RGS22: variants seen among roughly 807,000 people sequenced by gnomAD.
RGS22 encodes the protein regulator of G-protein signaling 22.
RGS22 carries 148 observed loss-of-function variants against 172.9 expected under a neutral mutation model. The observed-to-expected ratio is 0.86, with a 90% CI of 0.75 to 0.98. The LOEUF (loss-of-function observed/expected upper bound fraction) is 0.98, where lower values mean the gene tolerates loss of function less well. Ranked by LOEUF, RGS22 falls within the 50% of genes least tolerant of loss-of-function variation. The pLI, the probability that RGS22 is intolerant of heterozygous loss-of-function variation, is 0.00. For synonymous variants in RGS22, 458 were observed against 480.2 expected, an observed-to-expected ratio of 0.95 and a Z score of 0.60; for missense variants, 1,347 against 1,440.8, an observed-to-expected ratio of 0.93 and a Z score of 1.05.
chr8:100,052,121 T>TTATATATAAATGTTTATATATA lies in RGS22; in HGVS notation c.1689+680_1689+681insTATATATAAACATTTATATATA. The stretch of plus-strand genomic sequence containing the variant: ...TTTATATATAAATGTTTATATATAT[T>TTATATATAAATGTTTATATATA]TATATATAAATATATAAACATATAT... On this transcript the variant is annotated intron_variant, in intron 10 of 27. Transcript: ENST00000360863. 1.1e-4 allele frequency among the ~76,000 whole-genome samples: 4 copies of TTATATATAAATGTTTATATATA among 35,416 alleles called. 1 individual carries two copies. Among genetic ancestry groups the TTATATATAAATGTTTATATATA allele is most frequent in the Admixed American group, 9.4e-4 (2 of 2,134 alleles). The allele number at this position is 35,416 out of a possible 152,430, so 23.2% of individuals were successfully genotyped here.
chr8:100,003,334 AAGAT>A (rs1229317945), intron 17 of RGS22, among the ~76,000 whole-genome samples: 1 of 151,874 alleles, frequency 6.6e-6, no homozygotes, highest in Non-Finnish European at 1.5e-5. Context: ...AAAAAATAAA[AAGAT>A]AGAAAAATCC....
chr8:100,044,363 C>T (rs556930968), intron 11 of RGS22, among the ~76,000 whole-genome samples: 12 of 152,252 alleles, frequency 7.9e-5, no homozygotes, highest in Non-Finnish European at 1.3e-4. Context: ...TCTCCTGCAT[C>T]AGCCTCCCGA....
intron 9 of RGS22, among the ~76,000 whole-genome samples, chr8:100,058,428 A>G (rs1484134539): frequency 6.6e-6 from 1 of 152,202 alleles, no homozygotes; most frequent in African/African-American, 2.4e-5. Context: ...CCAAAGGTCA[A>G]AGATAAAGAA....
At chr8:99,991,835 T>C (rs183590350) in intron 20 of RGS22, among the ~76,000 whole-genome samples, 1 of 151,988 alleles carries the variant, frequency 6.6e-6, no homozygotes, top group Non-Finnish European at 1.5e-5. Context: ...AAAGTTGAAA[T>C]GAAGGAAAAA....
chr8:100,002,078 T>G, intron 18 of RGS22, 124 bp downstream of exon 18: 1 of 643,244 alleles, frequency 1.6e-6, no homozygotes, highest in East Asian at 2.9e-5. Context: ...ATATCAAAGG[T>G]CTTTAACACA....
chr8:99,995,064 T>C (rs1415363291), intron 20 of RGS22, among the ~76,000 whole-genome samples: 2 of 152,220 alleles, frequency 1.3e-5, no homozygotes, highest in African/African-American at 2.4e-5. Context: ...GCTAGCCATA[T>C]GTAGAAAGCT....
intron 21 of RGS22, among the ~76,000 whole-genome samples, chr8:99,985,271 C>G (rs868020963): frequency 1.3e-5 from 2 of 152,168 alleles, no homozygotes; most frequent in South Asian, 4.1e-4. Context: ...AGAATAAATT[C>G]ATTATTACAT....
intron 18 of RGS22, 147 bp from the exon 19 acceptor site, chr8:99,999,567 C>G: frequency 1.4e-6 from 1 of 707,160 alleles, no homozygotes; most frequent in South Asian, 2.1e-5. Flanking sequence ...CCTGGCTATA[C>G]TGAGCAATAA....
intron 9 of RGS22, among the ~76,000 whole-genome samples, chr8:100,060,939 A>G (rs1810083596): frequency 6.6e-6 from 1 of 152,220 alleles, no homozygotes; most frequent in Non-Finnish European, 1.5e-5. Context: ...TATGGTAACC[A>G]TAACAGCATG....
At chr8:99,976,527 A>T (rs1040453763) in intron 23 of RGS22, among the ~76,000 whole-genome samples, 12 of 152,124 alleles carry the variant, frequency 7.9e-5, no homozygotes, top group Admixed American at 3.9e-4. Flanking sequence ...ACGCCCGGCT[A>T]ATTTTTTGTA....
At chr8:100,104,908 T>C (rs1813802226) in intron 2 of RGS22, among the ~76,000 whole-genome samples, 2 of 152,220 alleles carry the variant, frequency 1.3e-5, no homozygotes, top group African/African-American at 4.8e-5. Flanking sequence ...ATGTATAGGA[T>C]ATATTTAGCA....
intron 3 of RGS22, among the ~76,000 whole-genome samples, chr8:100,084,077 T>C (rs888286484): frequency 1.3e-5 from 2 of 152,046 alleles, no homozygotes; most frequent in African/African-American, 2.4e-5. Context: ...GACCTCATGA[T>C]CCGTCCACCT....
chr8:100,065,063 G>A (rs1810443123), intron 7 of RGS22, among the ~76,000 whole-genome samples: 1 of 152,154 alleles, frequency 6.6e-6, no homozygotes, highest in Non-Finnish European at 1.5e-5. Flanking sequence ...TCTGCGCCTT[G>A]AATTGCCACA....
intron 17 of RGS22, among the ~76,000 whole-genome samples, chr8:100,002,746 G>A (rs1253615064): frequency 1.3e-5 from 2 of 152,074 alleles, no homozygotes; most frequent in Non-Finnish European, 2.9e-5. Context: ...ATCTTGATGG[G>A]TACCAAAAAA....
chr8:99,975,331 T>C (rs1588884830), intron 23 of RGS22, among the ~76,000 whole-genome samples: 1 of 152,308 alleles, frequency 6.6e-6, no homozygotes, highest in Non-Finnish European at 1.5e-5. Context: ...AAAGTACCTA[T>C]TATTTTCTTA....
chr8:100,083,101 T>C (rs1305260849), intron 3 of RGS22, among the ~76,000 whole-genome samples: 2 of 152,070 alleles, frequency 1.3e-5, no homozygotes. Flanking sequence ...GGAAAGTAAA[T>C]AGTTACTTCT....
chr8:100,096,131 A>C (rs1812948378), intron 2 of RGS22, among the ~76,000 whole-genome samples: 1 of 152,222 alleles, frequency 6.6e-6, no homozygotes, highest in East Asian at 1.9e-4. Context: ...TTAAAAAAAC[A>C]AAATTAAGCC....
At chr8:100,011,857 T>C (rs1816418458) in intron 14 of RGS22, among the ~76,000 whole-genome samples, 1 of 152,168 alleles carries the variant, frequency 6.6e-6, no homozygotes, top group Admixed American at 6.5e-5. Flanking sequence ...ATGGAGGCTC[T>C]AGACAAAAGC....
chr8:100,096,901 A>G (rs529023373), intron 2 of RGS22, among the ~76,000 whole-genome samples: 43 of 152,278 alleles, frequency 2.8e-4, no homozygotes, highest in African/African-American at 9.9e-4. Context: ...ACTACAGTCC[A>G]AGAAAGAATG....
Sources: gnomAD v4.1 joint callset for allele counts (sites outside exome capture counted in the v4.1 genomes callset) on GRCh38, gnomAD v4.1.1 for gene constraint, MANE v1.5 for transcripts, NCBI Gene and HGNC (gene_info 2026-07-23, HGNC 2026-07-21) for gene names.